The following STPG2 variants were observed in gnomAD, a reference collection of about 807,000 sequenced individuals.
The protein encoded by STPG2 is sperm tail PG-rich repeat containing 2.
In STPG2, 56 loss-of-function variants were observed where a neutral mutation model predicts 54.2. That is an observed-to-expected ratio of 1.03 (90% CI 0.83 to 1.29). The LOEUF (loss-of-function observed/expected upper bound fraction) is 1.29. STPG2 is among the 50% of genes most tolerant of loss of function. The pLI is 0.00. For synonymous variants in STPG2, 200 were observed against 181.8 expected (o/e 1.10, Z -0.81); for missense variants, 596 against 544.9 (o/e 1.09, Z -0.93).
At chr4:97,979,088 T>C (rs1430638773) in intron 6 of STPG2, among the ~76,000 whole-genome samples, 5 of 152,354 alleles carry the variant, frequency 3.3e-5, no homozygotes, top group Admixed American at 1.3e-4. Flanking sequence ...TAACTGTGGC[T>C]TTTGTCTAGT....
intron 10 of STPG2, among the ~76,000 whole-genome samples, chr4:97,673,146 T>C (rs1219325322): frequency 6.6e-6 from 1 of 152,200 alleles, no homozygotes; most frequent in East Asian, 1.9e-4. Flanking sequence ...TCAAGCCACA[T>C]ATATGCTAAG....
intron 10 of STPG2, among the ~76,000 whole-genome samples, chr4:97,616,022 G>T (rs1733852398): frequency 1.1e-5 from 1 of 92,580 alleles, no homozygotes; most frequent in African/African-American, 4.1e-5. Flanking sequence ...GGGTGACAGA[G>T]CAAGACTCTG....
chr4:97,910,140 C>A (rs1033222180), intron 8 of STPG2, among the ~76,000 whole-genome samples: 4 of 152,130 alleles, frequency 2.6e-5, no homozygotes, highest in African/African-American at 9.7e-5. Flanking sequence ...TATGCAGAGT[C>A]CTGTTGACTC....
At chr4:97,971,309 C>T (rs1734316533) in intron 7 of STPG2, among the ~76,000 whole-genome samples, 1 of 152,060 alleles carries the variant, frequency 6.6e-6, no homozygotes, top group Admixed American at 6.6e-5. Flanking sequence ...TGGGTATATA[C>T]CCAAGGGATT....
At chr4:97,490,971 C>T (rs1349011740) in intron 4 of STPG2, among the ~76,000 whole-genome samples, 1 of 151,506 alleles carries the variant, frequency 6.6e-6, no homozygotes, top group African/African-American at 2.4e-5. Context: ...TCAGCAAATG[C>T]ATTATTTTAT....
chr4:97,742,367 TAATAA>T (rs908749274), intron 9 of STPG2, among the ~76,000 whole-genome samples: 3 of 150,332 alleles, frequency 2.0e-5, no homozygotes, highest in Non-Finnish European at 3.0e-5. Flanking sequence ...AGTATAATAA[TAATAA>T]AATAAAATAA....
At chr4:97,760,799 T>G (rs1725868593) in intron 9 of STPG2, among the ~76,000 whole-genome samples, 1 of 152,152 alleles carries the variant, frequency 6.6e-6, no homozygotes, top group Non-Finnish European at 1.5e-5. Context: ...CTTACAGCTT[T>G]GGAGGTCAGA....
At chr4:98,054,101 T>C (rs1020367134) in intron 5 of STPG2, among the ~76,000 whole-genome samples, 3 of 146,172 alleles carry the variant, frequency 2.1e-5, no homozygotes, top group African/African-American at 7.7e-5. Context: ...GGGGAAAATA[T>C]CATAGTTCAG....
At chr4:97,451,401 A>AGAGAG (rs951354911) in intron 4 of STPG2, among the ~76,000 whole-genome samples, 45 of 152,078 alleles carry the variant, frequency 3.0e-4, no homozygotes, top group African/African-American at 8.4e-4. Flanking sequence ...GGAGGGGAGA[A>AGAGAG]GAGAGGAGAG....
chr4:98,124,870 ATTCCT>A (rs1261688922), intron 3 of STPG2, among the ~76,000 whole-genome samples: 1 of 151,968 alleles, frequency 6.6e-6, no homozygotes, highest in Non-Finnish European at 1.5e-5. Context: ...GGTTTTGTTC[ATTCCT>A]TTCCATTTCT....
intron 8 of STPG2, among the ~76,000 whole-genome samples, chr4:97,891,753 G>T (rs1252338981): frequency 6.6e-6 from 1 of 152,042 alleles, no homozygotes. Context: ...TGAAGAAGAG[G>T]ATGAATTTTC....
At chr4:97,813,131 G>T (rs1727795536) in intron 9 of STPG2, among the ~76,000 whole-genome samples, 1 of 151,950 alleles carries the variant, frequency 6.6e-6, no homozygotes, top group Admixed American at 6.6e-5. Context: ...TTCTGCACTA[G>T]TCTCTCATCT....
intron 10 of STPG2, among the ~76,000 whole-genome samples, chr4:97,708,036 T>A (rs1724003083): frequency 6.6e-6 from 1 of 152,106 alleles, no homozygotes; most frequent in African/African-American, 2.4e-5. Flanking sequence ...AGTACTTTGG[T>A]CTGACTTTCT....
chr4:97,846,393 G>A (rs1423325804), intron 8 of STPG2, among the ~76,000 whole-genome samples: 2 of 152,020 alleles, frequency 1.3e-5, no homozygotes, highest in Non-Finnish European at 2.9e-5. Flanking sequence ...TTGGGAGGCC[G>A]AGGCGGTTGG....
intron 9 of STPG2, among the ~76,000 whole-genome samples, chr4:97,797,656 T>G (rs980451966): frequency 2.6e-5 from 4 of 152,182 alleles, no homozygotes; most frequent in Non-Finnish European, 5.9e-5. Flanking sequence ...TCTCTTTTTT[T>G]GTTGTGTCTT....
chr4:97,501,701 A>C (rs76719094), intron 4 of STPG2, among the ~76,000 whole-genome samples: 1 of 151,948 alleles, frequency 6.6e-6, no homozygotes, highest in Non-Finnish European at 1.5e-5. Flanking sequence ...GTCTCAAAAA[A>C]AAAAAGGAAA....
At chr4:98,124,368 C>T (rs988068282) in intron 3 of STPG2, among the ~76,000 whole-genome samples, 4 of 152,104 alleles carry the variant, frequency 2.6e-5, no homozygotes, top group African/African-American at 9.7e-5. Flanking sequence ...ATAAGGCAGG[C>T]CTGGTGGTGA....
At chr4:97,953,963 C>T (rs994432928) in intron 7 of STPG2, among the ~76,000 whole-genome samples, 4 of 152,040 alleles carry the variant, frequency 2.6e-5, no homozygotes, top group African/African-American at 9.7e-5. Context: ...TCCAATCTGC[C>T]ATCTTGGAAA....
intron 7 of STPG2, among the ~76,000 whole-genome samples, chr4:97,945,018 T>A (rs1343625110): frequency 1.3e-5 from 2 of 152,172 alleles, no homozygotes; most frequent in African/African-American, 2.4e-5. Flanking sequence ...TTTTGTGTAG[T>A]TTTTAAATTG....
Sources: gnomAD v4.1 joint callset for allele counts (sites outside exome capture counted in the v4.1 genomes callset) on GRCh38, gnomAD v4.1.1 for gene constraint, MANE v1.5 for transcripts, NCBI Gene and HGNC (gene_info 2026-07-23, HGNC 2026-07-21) for gene names.